The following TBL1XR1 variants were observed in gnomAD, a reference collection of about 807,000 sequenced individuals.
The protein encoded by TBL1XR1 is TBL1X/Y related 1, also known as F-box-like/WD repeat-containing protein TBL1XR1.
TBL1XR1 carries 5 observed loss-of-function variants against 66.9 expected under a neutral mutation model. The ratio of observed to expected loss-of-function variants is 0.07; its 90% CI spans 0.04 to 0.16. The LOEUF (loss-of-function observed/expected upper bound fraction) is 0.16, where lower values mean the gene tolerates loss of function less well. Among genes scored for constraint, TBL1XR1 ranks in the 10% least tolerant of loss-of-function variants. The pLI is 1.00. For missense variants in TBL1XR1, 238 were observed against 623.2 expected (o/e 0.38, Z 6.58); for synonymous variants, 210 against 206.0 (o/e 1.02, Z -0.17).
At chr3:177,141,839 G>T (rs536667809) in intron 1 of TBL1XR1, among the ~76,000 whole-genome samples, 1 of 152,106 alleles carries the variant, frequency 6.6e-6, no homozygotes, top group African/African-American at 2.4e-5. Flanking sequence ...ACAAAACATG[G>T]TCTATATATA....
intron 1 of TBL1XR1, among the ~76,000 whole-genome samples, chr3:177,123,244 T>C (rs73187548): frequency 0.068 from 10,416 of 152,100 alleles, 521 homozygotes; most frequent in Admixed American, 0.17. Flanking sequence ...AAAAACAGTA[T>C]TTACCTTCCT....
chr3:177,095,089 C>G (rs527784010), intron 2 of TBL1XR1, among the ~76,000 whole-genome samples: 10 of 151,206 alleles, frequency 6.6e-5, no homozygotes, highest in South Asian at 4.2e-4. Flanking sequence ...TGAATCATCA[C>G]GAGATTATGT....
At chr3:177,121,014 T>G (rs1560198660) in intron 1 of TBL1XR1, among the ~76,000 whole-genome samples, 1 of 152,218 alleles carries the variant, frequency 6.6e-6, no homozygotes, top group Non-Finnish European at 1.5e-5. Context: ...ATCCAAAGTC[T>G]ACATTCTTTA....
At chr3:177,170,017 C>A (rs1405549335) in intron 1 of TBL1XR1, among the ~76,000 whole-genome samples, 4 of 152,138 alleles carry the variant, frequency 2.6e-5, no homozygotes, top group African/African-American at 7.2e-5. Context: ...TTTTAACAAG[C>A]CCTCCAGGTG....
chr3:177,080,123 TAAGGACATAATTATGTCCTCAATAAA>T (rs1382308774), intron 2 of TBL1XR1, among the ~76,000 whole-genome samples: 1 of 152,222 alleles, frequency 6.6e-6, no homozygotes, highest in East Asian at 1.9e-4. Flanking sequence ...ATAATTTTCA[TAAGGACATAATTATGTCCTCAATAAA>T]AAGGACATAC....
Position 177,197,258 on chromosome 3 carries a change from C to T in TBL1XR1, c.-259G>A, listed in dbSNP as rs905208168. 6 of 151,526 alleles carry T rather than the reference C, an allele frequency of 4.0e-5. No homozygotes were observed. Among genetic ancestry groups the T allele is most frequent in the African/African-American group, 1.5e-4 (6 of 41,296 alleles). The allele number at this position is 151,526 out of a possible 1,614,324, so 9.4% of individuals were successfully genotyped here. A position where few individuals can be genotyped will look rare whatever the true frequency, so the allele number is the denominator to read the frequency against. On this transcript the variant is annotated 5_prime_UTR_variant, in exon 1 of 16. Coordinates refer to ENST00000457928, the MANE Select transcript of TBL1XR1 (RefSeq NM_024665.7). ...CCGGGGGGTGAGAGGCAATTATAACCCCAGCGAGCGGAGGGCGCGGGGGAT... is the reference window on the plus strand; with the variant it reads ...CCGGGGGGTGAGAGGCAATTATAACTCCAGCGAGCGGAGGGCGCGGGGGAT...
chr3:177,108,625 T>C (rs931283713), intron 1 of TBL1XR1, among the ~76,000 whole-genome samples: 29 of 152,160 alleles, frequency 1.9e-4, no homozygotes, highest in Non-Finnish European at 3.7e-4. Flanking sequence ...TAATTATAAC[T>C]GCATGTATAG....
chr3:177,029,011 C>A (rs116298577), intron 14 of TBL1XR1, among the ~76,000 whole-genome samples: 67 of 151,428 alleles, frequency 4.4e-4, no homozygotes, highest in African/African-American at 1.6e-3. Context: ...ATATAAAAAT[C>A]AGTTCCAAAG....
At chr3:177,131,466 C>T (rs1459247353) in intron 1 of TBL1XR1, 1 of 679,380 alleles carries the variant, frequency 1.5e-6, no homozygotes, top group Admixed American at 6.5e-5. Context: ...GTTGAGAAAA[C>T]AAAAAAAAAC....
chr3:177,123,184 AG>A (rs1432704566), intron 1 of TBL1XR1, among the ~76,000 whole-genome samples: 2 of 152,266 alleles, frequency 1.3e-5, no homozygotes, highest in South Asian at 2.1e-4. Flanking sequence ...ATATTGTAAT[AG>A]TTTTTTTAAA....
chr3:177,115,534 C>T (rs1421505117), intron 1 of TBL1XR1, among the ~76,000 whole-genome samples: 1 of 152,120 alleles, frequency 6.6e-6, no homozygotes, highest in African/African-American at 2.4e-5. Context: ...TCCACCACAA[C>T]CGCAAAATTT....
rs1049402673 is a variant in TBL1XR1 at position 177,053,893 on chromosome 3, A to G, written c.84T>C (p.Phe28=). The part of the protein sequence containing the change: ...ESGFSHSAFT[F]GIESHISQSN... ...ACTGACTGATATGGCTTTCTATACC[A>G]AAGGTAAATGCTGAATGAGAAAATC... Residue 28 remains phenylalanine (F), a synonymous_variant, in exon 4 of 16, where the codon TTT becomes TTC. Coordinates refer to ENST00000457928, the MANE Select transcript of TBL1XR1 (RefSeq NM_024665.7). 2.0e-5 allele frequency: 32 copies of G among 1,611,430 alleles called. No homozygotes were observed. Among genetic ancestry groups the G allele is most frequent in the Non-Finnish European group, 2.5e-5 (29 of 1,179,096 alleles).
upstream of TBL1XR1, among the ~76,000 whole-genome samples, chr3:177,198,319 C>A (rs937025698): frequency 6.6e-6 from 1 of 152,148 alleles, no homozygotes; most frequent in South Asian, 2.1e-4. Context: ...TATTTATCAT[C>A]TGGTGGGTCT....
intron 1 of TBL1XR1, among the ~76,000 whole-genome samples, chr3:177,148,187 A>G (rs1730474572): frequency 6.6e-6 from 1 of 152,204 alleles, no homozygotes; most frequent in Non-Finnish European, 1.5e-5. Flanking sequence ...TAAATTGTAG[A>G]TTTTTTAGAT....
At chr3:177,170,869 T>G (rs1414174780) in intron 1 of TBL1XR1, among the ~76,000 whole-genome samples, 3 of 152,044 alleles carry the variant, frequency 2.0e-5, no homozygotes, top group Non-Finnish European at 1.5e-5. Flanking sequence ...CCTCCCAAAG[T>G]GCTGGGATTG....
At chr3:177,120,402 C>T (rs751725127) in intron 1 of TBL1XR1, among the ~76,000 whole-genome samples, 1 of 152,000 alleles carries the variant, frequency 6.6e-6, no homozygotes, top group Non-Finnish European at 1.5e-5. Context: ...AATAACTTAC[C>T]CCAAATCATA....
intron 1 of TBL1XR1, among the ~76,000 whole-genome samples, chr3:177,190,897 T>C (rs1198781483): frequency 6.6e-6 from 1 of 152,092 alleles, no homozygotes; most frequent in Non-Finnish European, 1.5e-5. Context: ...ACATCGTAGT[T>C]GGGGCAACAA....
rs539871269 is a variant in TBL1XR1 at position 177,126,690 on chromosome 3, C to A, written c.-121-28149G>T. ...CTACTAAACTAAGTTCCATGGTAGCCTACTAACAAGCATTTTCATATCCCT... is the reference window on the plus strand; with the variant it reads ...CTACTAAACTAAGTTCCATGGTAGCATACTAACAAGCATTTTCATATCCCT... On this transcript the variant is annotated intron_variant, in intron 1 of 15. Transcript: ENST00000457928. Among the ~76,000 whole-genome samples the A allele has an allele frequency of 2.0e-5, 3 of 152,266 alleles. No homozygotes were observed. In the East Asian group the frequency reaches 5.8e-4, roughly 29 times the overall value.
At chr3:177,108,061 G>C (rs1047001480) in intron 1 of TBL1XR1, among the ~76,000 whole-genome samples, 3 of 151,448 alleles carry the variant, frequency 2.0e-5, no homozygotes, top group Non-Finnish European at 4.4e-5. Flanking sequence ...ATGGTCCACA[G>C]GTCATAGTTT....
Sources: allele counts gnomAD v4.1 joint callset (sites outside exome capture counted in the v4.1 genomes callset), GRCh38; gene constraint gnomAD v4.1.1; transcripts MANE v1.5; gene names NCBI Gene and HGNC (gene_info 2026-07-23, HGNC 2026-07-21).